The following RRP1B variants were observed in gnomAD, a reference collection of about 807,000 sequenced individuals.
RRP1B encodes ribosomal RNA processing protein 1 homolog B.
Under a neutral mutation model 80.2 loss-of-function variants are expected in RRP1B, and 56 were observed. That is an observed-to-expected ratio of 0.70 (90% CI 0.56 to 0.87). The LOEUF (loss-of-function observed/expected upper bound fraction) is 0.87, where lower values mean the gene tolerates loss of function less well. Among genes scored for constraint, RRP1B ranks in the 40% least tolerant of loss-of-function variants. The pLI is 0.00. For missense variants in RRP1B, 807 were observed against 939.8 expected (o/e 0.86, Z 1.85); for synonymous variants, 351 against 357.6 (o/e 0.98, Z 0.21).
At chr21:43,662,661 T>C (rs1028230117) in intron 1 of RRP1B, among the ~76,000 whole-genome samples, 2 of 152,272 alleles carry the variant, frequency 1.3e-5, no homozygotes, top group African/African-American at 4.8e-5. Flanking sequence ...TGTTGCGCTC[T>C]TGCTTTAACT....
intron 15 of RRP1B, among the ~76,000 whole-genome samples, chr21:43,692,758 A>G (rs879907685): frequency 6.7e-6 from 1 of 150,312 alleles, no homozygotes; most frequent in Non-Finnish European, 1.5e-5. Context: ...GTGTATGTTT[A>G]GGGAGAAGAG....
chr21:43,691,341 C>A lies in RRP1B; in HGVS notation c.2020-98C>A. Reference sequence around the variant, plus strand: ...GCCACTCAGTAAGCAGCAGTGTGGGCGGCATACCCTCCAGGGCAGGTTCTC... The same window carrying A: ...GCCACTCAGTAAGCAGCAGTGTGGGAGGCATACCCTCCAGGGCAGGTTCTC... On this transcript the variant is annotated intron_variant, in intron 14 of 15. Coordinates refer to ENST00000340648, the MANE Select transcript of RRP1B (RefSeq NM_015056.3). The surrounding 1 kb of genome is among the most constrained non-coding windows in gnomAD (Gnocchi z 4.2). The A allele has an allele frequency of 1.9e-6, 2 of 1,078,226 alleles. No homozygotes were observed. Among genetic ancestry groups the A allele is most frequent in the Non-Finnish European group, 2.8e-6 (2 of 716,764 alleles). 66.8% of individuals were successfully genotyped at this position (1,078,226 alleles called of 1,614,324 possible). A position where few individuals can be genotyped will look rare whatever the true frequency, so the allele number is the denominator to read the frequency against.
At chr21:43,661,502 C>G (rs892744549) in intron 1 of RRP1B, among the ~76,000 whole-genome samples, 1 of 152,176 alleles carries the variant, frequency 6.6e-6, no homozygotes, top group Non-Finnish European at 1.5e-5. Flanking sequence ...TGGCCCACAT[C>G]CAGTGGGAGG....
intron 13 of RRP1B, 21 bp downstream of exon 13, chr21:43,688,261 G>T: frequency 6.6e-7 from 1 of 1,506,960 alleles, no homozygotes. Flanking sequence ...AGCACCCACA[G>T]GCCAGCTCGC....
chr21:43,690,055 C>T (rs916407647), intron 13 of RRP1B, among the ~76,000 whole-genome samples: 1 of 152,280 alleles, frequency 6.6e-6, no homozygotes, highest in Admixed American at 6.5e-5. Flanking sequence ...CTTACTCTGA[C>T]GAGGCGTTTT....
intron 5 of RRP1B, 63 bp downstream of exon 5, chr21:43,674,760 A>G (rs2083014767): frequency 1.4e-6 from 2 of 1,417,040 alleles, no homozygotes; most frequent in Admixed American, 2.1e-5. Context: ...TAGAGTGTCA[A>G]GTTTTCTGAA....
rs2083081504 is a variant in RRP1B, at chr21:43,690,319, A to G, written c.1898A>G (p.Lys633Arg). 6.2e-7 allele frequency: 1 copy of G among 1,614,220 alleles called. No individual in the cohort carries two copies. The highest frequency in any genetic ancestry group is 1.7e-5 in the Admixed American group (1 of 60,030). ...GSSGTCSSLK[K>R]QKLRAESDFV... ...AGTGGGACTTGCAGTTCCCTGAAGAAGCAGAAGCTGAGGGCAGAGAGCGAC... is the reference window on the plus strand; with the variant it reads ...AGTGGGACTTGCAGTTCCCTGAAGAGGCAGAAGCTGAGGGCAGAGAGCGAC... The change falls in exon 14 of 16, where the codon AAG (lysine) becomes AGG (arginine). Residue 633 changes from lysine (K) to arginine (R), a missense_variant. Coordinates refer to ENST00000340648, the MANE Select transcript of RRP1B (RefSeq NM_015056.3).
chr21:43,678,026 T>C (rs2147169123), intron 8 of RRP1B, among the ~76,000 whole-genome samples: 1 of 152,314 alleles, frequency 6.6e-6, no homozygotes, highest in East Asian at 1.9e-4. Flanking sequence ...TACCCTGCAG[T>C]GGAACTGCTG....
intron 12 of RRP1B, among the ~76,000 whole-genome samples, chr21:43,687,159 G>T (rs2083066487): frequency 6.6e-6 from 1 of 152,202 alleles, no homozygotes; most frequent in Non-Finnish European, 1.5e-5. Context: ...GCTCTCCAGG[G>T]CACCTCTGCA....
chr21:43,676,910 G>C lies in RRP1B; in HGVS notation c.792G>C (p.Lys264Asn). The C allele has an allele frequency of 6.2e-7, 1 of 1,614,028 alleles. No homozygotes were observed. The highest frequency in any genetic ancestry group is 8.5e-7 in the Non-Finnish European group (1 of 1,179,898). The change falls in exon 8 of 16, where the codon AAG becomes AAC. Residue 264 changes from lysine (K) to asparagine (N), a missense_variant. Physicochemically the swap from Lys to Asn is moderately conservative, Grantham distance 94. Coordinates refer to ENST00000340648, the MANE Select transcript of RRP1B (RefSeq NM_015056.3). ...VSLRRAVSKK[K>N]TALGKNHSRK... ...TGAGAAGAGCTGTCAGTAAAAAGAA[G>C]ACAGGTAGGAGGATGTTCTTGGTCA... is the stretch of plus-strand genomic sequence containing the variant.
chr21:43,660,595 A>G (rs190329786), intron 1 of RRP1B, among the ~76,000 whole-genome samples: 5 of 152,284 alleles, frequency 3.3e-5, no homozygotes, highest in Non-Finnish European at 7.4e-5. Context: ...GGAAAAAGAA[A>G]ACCAGATAAT....
chr21:43,686,872 C>G lies in RRP1B; in HGVS notation c.1078C>G (p.Gln360Glu). 1 of 1,613,790 alleles carries G rather than the reference C, an allele frequency of 6.2e-7. No homozygotes were observed. Among genetic ancestry groups the G allele is most frequent in the Non-Finnish European group, 8.5e-7 (1 of 1,179,872 alleles). The change falls in exon 12 of 16, where the codon CAA becomes GAA. Residue 360 changes from glutamine to glutamate, a missense_variant. Transcript: ENST00000340648. ...SADEDDQILS[Q>E]GKHKKKGNKL... ...TGATGAAGATGACCAAATCCTCAGT[C>G]AAGGAAAGCATAAGAAGAAAGGAAA... is the stretch of plus-strand genomic sequence containing the variant.
At chr21:43,668,867 C>T (rs2082988853) in intron 1 of RRP1B, among the ~76,000 whole-genome samples, 1 of 152,176 alleles carries the variant, frequency 6.6e-6, no homozygotes, top group African/African-American at 2.4e-5. Flanking sequence ...TTCATGTATC[C>T]ATAGGCTCGG....
chr21:43,663,190 T>C (rs1394624044), intron 1 of RRP1B, among the ~76,000 whole-genome samples: 2 of 152,218 alleles, frequency 1.3e-5, no homozygotes, highest in African/African-American at 4.8e-5. Context: ...GAGTGGCTGT[T>C]GGATTTGCTC....
At chr21:43,684,443 T>C in intron 9 of RRP1B, 110 bp from the exon 10 acceptor site, 1 of 895,984 alleles carries the variant, frequency 1.1e-6, no homozygotes. Flanking sequence ...GTTTAGCCTA[T>C]CTGTTGCCAA....
At chr21:43,663,060 G>C (rs1041305065) in intron 1 of RRP1B, among the ~76,000 whole-genome samples, 1 of 152,152 alleles carries the variant, frequency 6.6e-6, no homozygotes, top group Admixed American at 6.6e-5. Flanking sequence ...GATGGGGTTA[G>C]GGTTCTCTCT....
Position 43,673,898 on chromosome 21 carries a change from A to T in RRP1B, c.300A>T (p.Gln100His). Reference protein sequence around the residue: ...AQHLFIQTFWQTMNREWKGID... With the variant: ...AQHLFIQTFWHTMNREWKGID... ...ACCTGTTCATTCAGACCTTTTGGCAAACCATGAATCGAGAATGGAAAGGAA... is the reference window on the plus strand; with the variant it reads ...ACCTGTTCATTCAGACCTTTTGGCATACCATGAATCGAGAATGGAAAGGAA... Residue 100 changes from glutamine (Q) to histidine (H), a missense_variant, in exon 4 of 16, where the codon CAA becomes CAT. Coordinates refer to ENST00000340648, the MANE Select transcript of RRP1B (RefSeq NM_015056.3). 6.2e-7 allele frequency: 1 copy of T among 1,613,786 alleles called. No individual in the cohort carries two copies. Among genetic ancestry groups the T allele is most frequent in the South Asian group, 1.1e-5 (1 of 91,038 alleles).
In RRP1B at chr21:43,685,772, T is replaced by G. The variant is rs1312978441; in HGVS notation, c.992T>G (p.Phe331Cys). 6.4e-7 allele frequency: 1 copy of G among 1,566,650 alleles called. No homozygotes were observed. Among genetic ancestry groups the G allele is most frequent in the Non-Finnish European group, 8.6e-7 (1 of 1,157,218 alleles). ...ATTTTTTATTTTTTTATTTTTAGAT[T>G]CCAAGACCTTTCTGAAGGTGAGGCG... Reference protein sequence around the residue: ...RKRLSKLIKKFQDLSEGSSIS... With the variant: ...RKRLSKLIKKCQDLSEGSSIS... The change falls in exon 11 of 16, where the codon TTC becomes TGC. Residue 331 changes from phenylalanine to cysteine, a missense_variant and splice_region_variant. Phe to Cys is a radical substitution (Grantham distance 205, BLOSUM62 -2). Transcript: ENST00000340648.
chr21:43,685,800 CCA>C lies in RRP1B; in HGVS notation c.1009+12_1009+13del. ...AAGACCTTTCTGAAGGTGAGGCGCGCCAAGAATCATCATTCATGGTGTTTTTC... is the reference window on the plus strand; with the variant it reads ...AAGACCTTTCTGAAGGTGAGGCGCGCAGAATCATCATTCATGGTGTTTTTC... On this transcript the variant is annotated intron_variant, in intron 11 of 15. Coordinates refer to ENST00000340648, the MANE Select transcript of RRP1B (RefSeq NM_015056.3). The C allele has an allele frequency of 6.3e-7, 1 of 1,588,190 alleles. No individual in the cohort carries two copies. Among genetic ancestry groups the C allele is most frequent in the South Asian group, 1.2e-5 (1 of 85,190 alleles).
Sources: gnomAD v4.1 joint callset for allele counts (sites outside exome capture counted in the v4.1 genomes callset) on GRCh38, gnomAD v4.1.1 for gene constraint, Gnocchi (gnomAD v3.1) non-coding constraint, MANE v1.5 for transcripts, NCBI Gene and HGNC (gene_info 2026-07-23, HGNC 2026-07-21) for gene names.